C16orf89: variants seen among roughly 807,000 people sequenced by gnomAD.
C16orf89 encodes the protein chromosome 16 open reading frame 89, also known as UPF0764 protein C16orf89.
In C16orf89, 57 loss-of-function variants were observed where a neutral mutation model predicts 41.5. That is an observed-to-expected ratio of 1.38 (90% CI 1.11 to 1.71). The LOEUF (loss-of-function observed/expected upper bound fraction) is 1.71. C16orf89 is among the 40% of genes most tolerant of loss of function. The probability of loss-of-function intolerance (pLI) is 0.00; values close to 1 mark genes in which losing one functional copy is unlikely to be tolerated. For synonymous variants in C16orf89, 223 were observed against 190.6 expected, an observed-to-expected ratio of 1.17 and a Z score of -1.40; for missense variants, 575 against 445.9, an observed-to-expected ratio of 1.29 and a Z score of -2.61.
Position 5,059,720 on chromosome 16 carries a change from C to T in C16orf89, c.509+566G>A, listed in dbSNP as rs144823020. ...TAGGCTCAGTCCTGTCTTCCTGGAG[C>T]TGCATCCTCACTGGGGATGGGGACA... On this transcript the variant is annotated intron_variant, in intron 3 of 7. Coordinates refer to ENST00000472572, the MANE Select transcript of C16orf89 (RefSeq NM_001098514.3). Among the ~76,000 whole-genome samples the T allele has an allele frequency of 7.1e-3, 1,079 of 152,266 alleles. 11 individuals carry two copies. The highest frequency in any genetic ancestry group is 0.024 in the African/African-American group (1,011 of 41,572).
At chr16:5,065,631 G>A in intron 1 of C16orf89, 70 bp downstream of exon 1, 1 of 1,495,078 alleles carries the variant, frequency 6.7e-7, no homozygotes, top group Non-Finnish European at 9.2e-7. Flanking sequence ...CAGGCGTACA[G>A]AGCAGGGCAG....
rs759599303 is a variant in C16orf89 at position 5,060,256 on chromosome 16, T to G, written c.509+30A>C. On this transcript the variant is annotated intron_variant, in intron 3 of 7. Transcript: ENST00000472572. ...AGCTGAGAACTAGTGCGTTTGGGTT[T>G]CCAGCAAATAGGGCAAGTGCAGGGC... is the stretch of plus-strand genomic sequence containing the variant. 1.9e-6 allele frequency: 3 copies of G among 1,579,282 alleles called. No individual in the cohort carries two copies. In the South Asian group the frequency reaches 3.5e-5, roughly 18 times the overall value.
At chr16:5,057,514 TC>T (rs1021485196) in intron 4 of C16orf89, among the ~76,000 whole-genome samples, 8 of 150,324 alleles carry the variant, frequency 5.3e-5, no homozygotes. Flanking sequence ...TATATATTTT[TC>T]TTTTTCTATT....
At chr16:5,055,159 G>A (rs1359408303) in intron 6 of C16orf89, 87 bp downstream of exon 6, 39 of 1,122,638 alleles carry the variant, frequency 3.5e-5, no homozygotes, top group Non-Finnish European at 5.1e-5. Context: ...TAACACCAAT[G>A]CATTGTTCCC....
chr16:5,062,611 G>C (rs1444196363), intron 1 of C16orf89, 37 bp from the exon 2 acceptor site: 1 of 1,529,718 alleles, frequency 6.5e-7, no homozygotes, highest in Admixed American at 2.2e-5. Context: ...CAACTATTTG[G>C]AATCGGGACC....
chr16:5,051,228 A>T (rs1596687842), intron 6 of C16orf89, among the ~76,000 whole-genome samples: 1 of 152,358 alleles, frequency 6.6e-6, no homozygotes, highest in African/African-American at 2.4e-5. Context: ...GAAACAAAAA[A>T]GGGCATCCAA....
chr16:5,061,476 C>A (rs1457308693), intron 2 of C16orf89, among the ~76,000 whole-genome samples: 3 of 19,558 alleles, frequency 1.5e-4, no homozygotes, highest in African/African-American at 2.6e-4. Flanking sequence ...CAGAGTGAGA[C>A]ACTGTCTCAA....
chr16:5,058,005 C>T (rs34641734), intron 4 of C16orf89, among the ~76,000 whole-genome samples: 22,964 of 152,046 alleles, frequency 0.15, 1,905 homozygotes, highest in East Asian at 0.3. Flanking sequence ...AATTACACAG[C>T]AGGAGTATGA....
chr16:5,044,876 C>G, intron 7 of C16orf89: 1 of 1,255,468 alleles, frequency 8.0e-7, no homozygotes, highest in Non-Finnish European at 1.0e-6. Flanking sequence ...AGATGTCATT[C>G]CAGGCAACTT....
At chr16:5,053,573 C>T (rs1372899052) in intron 6 of C16orf89, among the ~76,000 whole-genome samples, 1 of 150,542 alleles carries the variant, frequency 6.6e-6, no homozygotes, top group Non-Finnish European at 1.5e-5. Flanking sequence ...CAGTGTCTCG[C>T]TTTGTCACCC....
chr16:5,065,507 A>G (rs191689598), intron 1 of C16orf89, among the ~76,000 whole-genome samples, 194 bp downstream of exon 1: 2 of 152,320 alleles, frequency 1.3e-5, no homozygotes, highest in African/African-American at 4.8e-5. Flanking sequence ...TCCTACTTCT[A>G]AAAAATTGCG....
chr16:5,055,156 A>C, intron 6 of C16orf89, 90 bp downstream of exon 6: 1 of 1,076,998 alleles, frequency 9.3e-7, no homozygotes, highest in Non-Finnish European at 1.4e-6. Flanking sequence ...CCTTAACACC[A>C]ATGCATTGTT....
intron 7 of C16orf89, 168 bp from the exon 8 acceptor site, chr16:5,044,646 A>T (rs1403928370): frequency 2.3e-6 from 3 of 1,318,826 alleles, no homozygotes; most frequent in Non-Finnish European, 3.1e-6. Flanking sequence ...GTTCGAGACC[A>T]GCATGAGCAA....
chr16:5,046,508 G>A (rs1422398915), intron 7 of C16orf89, among the ~76,000 whole-genome samples: 2 of 151,888 alleles, frequency 1.3e-5, no homozygotes, highest in African/African-American at 2.4e-5. Flanking sequence ...GCACCACCAC[G>A]CCTGGCTAAT....
chr16:5,063,590 T>C (rs1393182609), intron 1 of C16orf89, among the ~76,000 whole-genome samples: 1 of 152,142 alleles, frequency 6.6e-6, no homozygotes, highest in Non-Finnish European at 1.5e-5. Context: ...CCGCCTGAGC[T>C]CCGCCTGCTG....
Position 5,060,270 on chromosome 16 carries a change from C to CAGGGCCCACCCAGGGT in C16orf89, c.509+15_509+16insACCCTGGGTGGGCCCT. On this transcript the variant is annotated intron_variant, in intron 3 of 7. Coordinates refer to ENST00000472572, the MANE Select transcript of C16orf89 (RefSeq NM_001098514.3). ...GCGTTTGGGTTTCCAGCAAATAGGG[C>CAGGGCCCACCCAGGGT]AAGTGCAGGGCCCACCCGGTTCCCA... is the stretch of plus-strand genomic sequence containing the variant. 1.3e-6 allele frequency: 2 copies of CAGGGCCCACCCAGGGT among 1,589,078 alleles called. No homozygotes were observed. The highest frequency in any genetic ancestry group is 1.7e-6 in the Non-Finnish European group (2 of 1,165,708).
At chr16:5,055,448 T>A in intron 5 of C16orf89, 98 bp from the exon 6 acceptor site, 1 of 1,186,268 alleles carries the variant, frequency 8.4e-7, no homozygotes, top group Non-Finnish European at 1.2e-6. Flanking sequence ...TTCATCTGCC[T>A]GGGTTAGGCT....
chr16:5,065,832 A>G lies in C16orf89; in HGVS notation c.77T>C (p.Leu26Pro), dbSNP rs772293237. The change falls in exon 1 of 8, where the codon CTG (leucine) becomes CCG (proline). Residue 26 changes from leucine (L) to proline (P), a missense_variant. Physicochemically the swap from Leu to Pro is moderately conservative, Grantham distance 98. Transcript: ENST00000472572. ...PPLWSSSLPG[L>P]DTAESKATIA... ...GGTGGCTTTACTTTCAGCAGTGTCC[A>G]GCCCAGGCAGTGAGGAGGACCACAG... 6.2e-6 allele frequency: 10 copies of G among 1,614,120 alleles called. No homozygotes were observed. In the Admixed American group the frequency reaches 8.3e-5, roughly 13 times the overall value.
chr16:5,050,723 G>A (rs1007933472), intron 6 of C16orf89, among the ~76,000 whole-genome samples: 1 of 152,118 alleles, frequency 6.6e-6, no homozygotes, highest in Admixed American at 6.6e-5. Flanking sequence ...GATGAACCTA[G>A]ATGCAAAAAT....
Sources: allele counts gnomAD v4.1 joint callset (sites outside exome capture counted in the v4.1 genomes callset), GRCh38; gene constraint gnomAD v4.1.1; transcripts MANE v1.5; gene names NCBI Gene and HGNC (gene_info 2026-07-23, HGNC 2026-07-21).